The following PGBD1 variants were observed in gnomAD, a reference collection of about 807,000 sequenced individuals.
The protein encoded by PGBD1 is piggyBac transposable element derived 1, also known as piggyBac transposable element-derived protein 1.
Under a neutral mutation model 34.7 loss-of-function variants are expected in PGBD1, and 25 were observed. The ratio of observed to expected loss-of-function variants is 0.72; its 90% CI spans 0.52 to 1.00. The LOEUF (loss-of-function observed/expected upper bound fraction) is 1.00, where lower values mean the gene tolerates loss of function less well. Ranked by LOEUF, PGBD1 falls within the 50% of genes least tolerant of loss-of-function variation. PGBD1 has a pLI of 0.00. For synonymous variants in PGBD1, 292 were observed against 335.7 expected (o/e 0.87, Z 1.42); for missense variants, 830 against 959.4 (o/e 0.87, Z 1.78).
Position 28,287,086 on chromosome 6 carries a change from T to C in PGBD1, c.560T>C (p.Val187Ala). ...QGNPQEVSGP[V>A]PHGSAHLQEK... is the part of the protein sequence containing the mutation. ...TTGCCCTCTCTCTCTGCAGGGCCTG[T>C]TCCCCACGGATCAGCTCATCTCCAG... The change falls in exon 4 of 7, where the codon GTT (valine) becomes GCT (alanine). Residue 187 changes from valine to alanine, a missense_variant. Around this residue, in one of 3 missense-constraint regions of PGBD1, gnomAD observed 457 missense variants for 515.4 expected, o/e 0.89. Transcript: ENST00000682144. The C allele has an allele frequency of 6.2e-7, 1 of 1,613,680 alleles. No homozygotes were observed. The highest frequency in any genetic ancestry group is 8.5e-7 in the Non-Finnish European group (1 of 1,179,592).
At chr6:28,285,764 C>T in intron 3 of PGBD1, 57 bp downstream of exon 3, 2 of 1,554,054 alleles carry the variant, frequency 1.3e-6, no homozygotes, top group Non-Finnish European at 1.7e-6. Flanking sequence ...GACACTTGCA[C>T]AGCCTTCTTG....
At position 28,286,285 on chromosome 6, in the gene PGBD1, A is replaced by G. The variant is rs61592622; in HGVS notation, c.553+578A>G. Among the ~76,000 whole-genome samples the G allele has an allele frequency of 7.4e-3, 1,133 of 152,364 alleles. 7 individuals carry two copies. Among genetic ancestry groups the G allele is most frequent in the Middle Eastern group, 0.017 (5 of 294 alleles). On this transcript the variant is annotated intron_variant, in intron 3 of 6. Coordinates refer to ENST00000682144, the MANE Select transcript of PGBD1 (RefSeq NM_032507.4). The stretch of plus-strand genomic sequence containing the variant: ...TATATTTTTGGGTTAGAATTACCAC[A>G]TGTGCTCTTCATTTGATAATTTTGT...
rs771842610 is a variant in PGBD1, at chr6:28,297,996, G to T, written c.869+5G>T. ...AGCCTCAGGAAAGCCCAACAGGTGA[G>T]TGTCCATGGTCCTCAGTGAATCAAA... On this transcript the variant is annotated splice_donor_5th_base_variant and intron_variant, in intron 6 of 6. Coordinates refer to ENST00000682144, the MANE Select transcript of PGBD1 (RefSeq NM_032507.4). The T allele has an allele frequency of 5.7e-5, 89 of 1,570,130 alleles. No individual in the cohort carries two copies. The highest frequency in any genetic ancestry group is 7.1e-5 in the Non-Finnish European group (81 of 1,143,126).
At chr6:28,284,773 G>C (rs1238490724) in intron 2 of PGBD1, among the ~76,000 whole-genome samples, 1 of 152,124 alleles carries the variant, frequency 6.6e-6, no homozygotes, top group Non-Finnish European at 1.5e-5. Context: ...ATGCTGCCTT[G>C]GCCTCCCAAA....
rs970115473 is a variant in PGBD1 at position 28,285,772 on chromosome 6, T to C, written c.553+65T>C. ...GGCCACTGACACTTGCACAGCCTTC[T>C]TGACCTCAAGTTTGTATACATTGTG... On this transcript the variant is annotated intron_variant, in intron 3 of 6. Coordinates refer to ENST00000682144, the MANE Select transcript of PGBD1 (RefSeq NM_032507.4). 4 of 1,519,098 alleles carry C rather than the reference T, an allele frequency of 2.6e-6. No individual in the cohort carries two copies. In the African/African-American group the frequency reaches 5.6e-5, roughly 21 times the overall value. The allele number at this position is 1,519,098 out of a possible 1,614,324, so 94.1% of individuals were successfully genotyped here. A position where few individuals can be genotyped will look rare whatever the true frequency, so the allele number is the denominator to read the frequency against.
In PGBD1 at chr6:28,301,440, T is replaced by C; in HGVS notation, c.1586T>C (p.Met529Thr). The change falls in exon 7 of 7, where the codon ATG (methionine) becomes ACG (threonine). Residue 529 changes from methionine to threonine, a missense_variant. Transcript: ENST00000682144. ...AAGTTGAGACCTCTCATAAAACAAA[T>C]GAATAAAAATTTCCTCTTGTATGCT... ...FTKLRPLIKQ[M>T]NKNFLLYAPL... The C allele has an allele frequency of 1.2e-6, 2 of 1,613,920 alleles. No individual in the cohort carries two copies. The highest frequency in any genetic ancestry group is 8.5e-7 in the Non-Finnish European group (1 of 1,180,006).
chr6:28,286,037 T>TAA (rs1037536195), intron 3 of PGBD1, among the ~76,000 whole-genome samples: 44 of 152,352 alleles, frequency 2.9e-4, no homozygotes, highest in African/African-American at 9.9e-4. Context: ...AACAAACTTG[T>TAA]AAAGACCTGC....
At chr6:28,289,849 C>T (rs1486188376) in intron 4 of PGBD1, among the ~76,000 whole-genome samples, 2 of 152,042 alleles carry the variant, frequency 1.3e-5, no homozygotes, top group African/African-American at 4.8e-5. Context: ...ATTGAGACAA[C>T]GAAAAGTCAA....
At position 28,283,986 on chromosome 6, in the gene PGBD1, C is replaced by G. The variant is rs751215205; in HGVS notation, c.173C>G (p.Pro58Arg). Residue 58 changes from proline to arginine, a missense_variant, in exon 2 of 7, where the codon CCC becomes CGC. By Grantham distance (103) the Pro-to-Arg change is moderately radical. Transcript: ENST00000682144. ...RHFCYQEAHG[P>R]QEALAQLREL... ...TTCTGCTACCAGGAGGCTCACGGAC[C>G]CCAGGAAGCTCTGGCCCAACTCCGA... is the stretch of plus-strand genomic sequence containing the variant. The G allele has an allele frequency of 1.2e-6, 2 of 1,614,028 alleles. No individual in the cohort carries two copies. The highest frequency in any genetic ancestry group is 2.7e-5 in the African/African-American group (2 of 74,914).
intron 3 of PGBD1, among the ~76,000 whole-genome samples, chr6:28,285,909 T>A (rs528144184): frequency 6.6e-6 from 1 of 152,210 alleles, no homozygotes; most frequent in Admixed American, 6.5e-5. Flanking sequence ...TATATTATTA[T>A]TACTAACTAT....
intron 4 of PGBD1, among the ~76,000 whole-genome samples, chr6:28,292,517 A>G (rs1159391360): frequency 6.6e-6 from 1 of 152,122 alleles, no homozygotes; most frequent in Admixed American, 6.5e-5. Context: ...TAAAACTCTC[A>G]TGGAACAAAT....
In PGBD1 at chr6:28,285,612, C is replaced by T. The variant is rs1762263201; in HGVS notation, c.458C>T (p.Ser153Phe). ...HPMVAEYQGV[S>F]LECQSLQLLP... Reference sequence around the variant, plus strand: ...ATGGTGGCAGAATATCAAGGAGTCTCTTTGGAGTGTCAGAGCCTCCAGCTC... The same window carrying T: ...ATGGTGGCAGAATATCAAGGAGTCTTTTTGGAGTGTCAGAGCCTCCAGCTC... Residue 153 changes from serine (S) to phenylalanine (F), a missense_variant, in exon 3 of 7, where the codon TCT becomes TTT. Ser to Phe is a radical substitution (Grantham distance 155, BLOSUM62 -2). Transcript: ENST00000682144. 1.2e-6 allele frequency: 2 copies of T among 1,614,128 alleles called. No homozygotes were observed. Among genetic ancestry groups the T allele is most frequent in the African/African-American group, 1.3e-5 (1 of 75,044 alleles).
At chr6:28,297,415 T>C (rs1762678296) in intron 5 of PGBD1, among the ~76,000 whole-genome samples, 1 of 152,218 alleles carries the variant, frequency 6.6e-6, no homozygotes, top group African/African-American at 2.4e-5. Context: ...CTCGCTTTGT[T>C]GCCCATGCTG....
Position 28,301,192 on chromosome 6 carries a change from A to G in PGBD1, c.1338A>G (p.Lys446=). The change falls in exon 7 of 7, where the codon AAA becomes AAG. Residue 446 remains lysine, a synonymous_variant. Coordinates refer to ENST00000682144, the MANE Select transcript of PGBD1 (RefSeq NM_032507.4). The stretch of plus-strand genomic sequence containing the variant: ...AAACCAATAATTATGCTTCTCAGAA[A>G]AATGTCAGCTTGGAAGTCACAGTTC... ...VNETNNYASQ[K]NVSLEVTVQE... is the part of the protein sequence containing the mutation. 1 of 1,614,192 alleles carries G rather than the reference A, an allele frequency of 6.2e-7. No individual in the cohort carries two copies. Among genetic ancestry groups the G allele is most frequent in the South Asian group, 1.1e-5 (1 of 91,078 alleles).
chr6:28,286,577 A>G (rs1040376563), intron 3 of PGBD1, among the ~76,000 whole-genome samples: 6 of 152,200 alleles, frequency 3.9e-5, no homozygotes, highest in African/African-American at 1.4e-4. Context: ...CTTTGGGATC[A>G]GTACCTCCTA....
At chr6:28,294,161 A>G (rs1386553905) in intron 4 of PGBD1, among the ~76,000 whole-genome samples, 1 of 152,232 alleles carries the variant, frequency 6.6e-6, no homozygotes, top group African/African-American at 2.4e-5. Context: ...AGAAGATCAC[A>G]CCAGCCACAG....
intron 6 of PGBD1, among the ~76,000 whole-genome samples, chr6:28,299,608 C>G (rs770108620): frequency 6.6e-6 from 1 of 152,180 alleles, no homozygotes; most frequent in Non-Finnish European, 1.5e-5. Flanking sequence ...TTAAAATATA[C>G]TCTTCATGCT....
chr6:28,297,845 T>TTTTA, intron 5 of PGBD1, 50 bp from the exon 6 acceptor site: 2 of 283,632 alleles, frequency 7.1e-6, no homozygotes, highest in Non-Finnish European at 1.3e-5. Flanking sequence ...TTTTTTTTTT[T>TTTTA]CAAAATTCAC....
At chr6:28,293,836 T>C (rs1290607491) in intron 4 of PGBD1, among the ~76,000 whole-genome samples, 1 of 152,216 alleles carries the variant, frequency 6.6e-6, no homozygotes, top group East Asian at 1.9e-4. Flanking sequence ...TGCTATGTCC[T>C]GAGACACAAT....
Sources: gnomAD v4.1 joint callset for allele counts (sites outside exome capture counted in the v4.1 genomes callset) on GRCh38, gnomAD v4.1.1 for gene constraint, gnomAD v4.1.1 regional missense constraint, MANE v1.5 for transcripts, NCBI Gene and HGNC (gene_info 2026-07-23, HGNC 2026-07-21) for gene names.